GABPB2: variants seen among roughly 807,000 people sequenced by gnomAD.
The protein encoded by GABPB2 is GA binding protein transcription factor subunit beta 2, also known as GA-binding protein subunit beta-2.
GABPB2 carries 23 observed loss-of-function variants against 39.1 expected under a neutral mutation model. The ratio of observed to expected loss-of-function variants is 0.59; its 90% CI spans 0.42 to 0.83. The LOEUF is 0.83. GABPB2 is among the 40% of genes least tolerant of loss of function. GABPB2 has a pLI of 0.00. For synonymous variants in GABPB2, 184 were observed against 199.3 expected (o/e 0.92, Z 0.65); for missense variants, 467 against 541.1 (o/e 0.86, Z 1.36).
At chr1:151,072,091 C>T (rs1279162888) in intron 1 of GABPB2, among the ~76,000 whole-genome samples, 1 of 152,212 alleles carries the variant, frequency 6.6e-6, no homozygotes, top group Non-Finnish European at 1.5e-5. Flanking sequence ...TAGAGATGTT[C>T]TTAGGCATGT....
At position 151,121,944 on chromosome 1, in the gene GABPB2, G is replaced by A. The variant is rs1238169902; in HGVS notation, c.*3688G>A. The A allele has an allele frequency of 6.6e-6, 1 of 152,172 alleles. No individual in the cohort carries two copies. The highest frequency in any genetic ancestry group is 1.5e-5 in the Non-Finnish European group (1 of 68,030). 9.4% of individuals were successfully genotyped at this position (152,172 alleles called of 1,614,324 possible). ...GTGCCAAGTAAACATTCGAATGACT[G>A]TTTAGAATATGGTTTTCTTAATTAG... On this transcript the variant is annotated 3_prime_UTR_variant, in exon 9 of 9. Transcript: ENST00000368918.
In GABPB2 at chr1:151,107,189, C is replaced by T. The variant is rs1384656394; in HGVS notation, c.889C>T (p.Pro297Ser). Residue 297 changes from proline to serine, a missense_variant, in exon 7 of 9, where the codon CCA (proline) becomes TCA (serine). Pro to Ser is a moderately conservative substitution (Grantham distance 74). Coordinates refer to ENST00000368918, the MANE Select transcript of GABPB2 (RefSeq NM_144618.3). The part of the protein sequence containing the change: ...TSIPTGGIGQ[P>S]FIVTVQDGQQ... The stretch of plus-strand genomic sequence containing the variant: ...AATCCCTACTGGAGGCATTGGCCAG[C>T]CATTTATTGTAACTGTGCAAGATGG... 1 of 1,598,668 alleles carries T rather than the reference C, an allele frequency of 6.3e-7. No homozygotes were observed. Among genetic ancestry groups the T allele is most frequent in the Non-Finnish European group, 8.5e-7 (1 of 1,174,776 alleles).
intron 2 of GABPB2, 35 bp downstream of exon 2, chr1:151,088,332 A>G (rs1486620423): frequency 6.5e-7 from 1 of 1,540,454 alleles, no homozygotes. Context: ...AATTATTTCC[A>G]ATGTATGCTT....
Position 151,104,388 on chromosome 1 carries a change from A to G in GABPB2, c.736+713A>G, listed in dbSNP as rs948417739. Among the ~76,000 whole-genome samples the G allele has an allele frequency of 6.6e-5, 10 of 152,312 alleles. No individual in the cohort carries two copies. In the South Asian group the frequency reaches 1.7e-3, roughly 25 times the overall value. ...CAGAATGTTCTGATTTCTTTCTGCC[A>G]TGACATTTGGGTGGTAAGAACATTC... On this transcript the variant is annotated intron_variant, in intron 6 of 8. Coordinates refer to ENST00000368918, the MANE Select transcript of GABPB2 (RefSeq NM_144618.3).
chr1:151,086,174 G>A (rs1171358287), intron 1 of GABPB2, among the ~76,000 whole-genome samples: 1 of 152,050 alleles, frequency 6.6e-6, no homozygotes, highest in Admixed American at 6.6e-5. Context: ...GAGCCCAGGA[G>A]GTCAGGACTG....
intron 7 of GABPB2, among the ~76,000 whole-genome samples, chr1:151,116,669 G>A (rs1680901286): frequency 1.3e-5 from 2 of 151,904 alleles, no homozygotes; most frequent in East Asian, 1.9e-4. Flanking sequence ...GTGCAGTCGC[G>A]AGTTCTTGGC....
In GABPB2 at chr1:151,108,817, T is replaced by C. The variant is rs769559661; in HGVS notation, c.922+1595T>C. On this transcript the variant is annotated intron_variant, in intron 7 of 8. Coordinates refer to ENST00000368918, the MANE Select transcript of GABPB2 (RefSeq NM_144618.3). ...TTTTAATCATTTAATGTATCAGTTA[T>C]TCAAAAAAGACATAGTTAAAATTTT... Among the ~76,000 whole-genome samples, 7 of 152,308 alleles carry C rather than the reference T, an allele frequency of 4.6e-5. No individual in the cohort carries two copies. The South Asian group carries it at 8.3e-4, about 18-fold the overall frequency.
At chr1:151,084,756 G>T (rs587601896) in intron 1 of GABPB2, among the ~76,000 whole-genome samples, 1 of 144,958 alleles carries the variant, frequency 6.9e-6, no homozygotes, top group Admixed American at 7.0e-5. Flanking sequence ...GGATGGTCTC[G>T]ATCTCCTGAC....
At chr1:151,092,748 A>T (rs1162382512) in intron 3 of GABPB2, among the ~76,000 whole-genome samples, 1 of 151,752 alleles carries the variant, frequency 6.6e-6, no homozygotes, top group Non-Finnish European at 1.5e-5. Flanking sequence ...TAATGTTTTG[A>T]ATTTTTTGTA....
chr1:151,112,937 A>AT lies in GABPB2; in HGVS notation c.923-4441dup, dbSNP rs761548195. Among the ~76,000 whole-genome samples the AT allele has an allele frequency of 3.1e-3, 440 of 140,452 alleles. 2 individuals carry two copies. The highest frequency in any genetic ancestry group is 8.8e-3 in the African/African-American group (335 of 38,280). 92.1% of individuals were successfully genotyped at this position (140,452 alleles called of 152,430 possible). A position where few individuals can be genotyped will look rare whatever the true frequency, so the allele number is the denominator to read the frequency against. ...AGGTGTGCACCACCACGCCTGGCTA[A>AT]TTTTTTTTTTTTTTGTATTTTAGTA... is the stretch of plus-strand genomic sequence containing the variant. On this transcript the variant is annotated intron_variant, in intron 7 of 8. Coordinates refer to ENST00000368918, the MANE Select transcript of GABPB2 (RefSeq NM_144618.3).
chr1:151,075,113 G>A (rs1247770024), intron 1 of GABPB2, among the ~76,000 whole-genome samples: 2 of 152,134 alleles, frequency 1.3e-5, no homozygotes, highest in Non-Finnish European at 2.9e-5. Flanking sequence ...CCGCACTCCA[G>A]TCTGGGCGAC....
intron 7 of GABPB2, among the ~76,000 whole-genome samples, chr1:151,109,307 T>C (rs1571975874): frequency 9.6e-6 from 1 of 104,094 alleles, no homozygotes; most frequent in African/African-American, 3.7e-5. Context: ...TTTATATATA[T>C]ATATATATAT....
chr1:151,107,883 C>T (rs906176509), intron 7 of GABPB2, among the ~76,000 whole-genome samples: 3 of 151,644 alleles, frequency 2.0e-5, no homozygotes, highest in Non-Finnish European at 2.9e-5. Flanking sequence ...TGTACTGAGC[C>T]GTGATTGTGC....
chr1:151,083,972 C>T (rs1677943791), intron 1 of GABPB2, among the ~76,000 whole-genome samples: 2 of 150,902 alleles, frequency 1.3e-5, no homozygotes, highest in African/African-American at 2.4e-5. Flanking sequence ...AACTCCTGAC[C>T]TCGTGATCCA....
chr1:151,117,340 CTTTGT>C, intron 7 of GABPB2, 47 bp from the exon 8 acceptor site: 7 of 1,576,064 alleles, frequency 4.4e-6, no homozygotes, highest in Non-Finnish European at 5.2e-6. Context: ...AGCAAAACCT[CTTTGT>C]TTTATTATGC....
intron 5 of GABPB2, among the ~76,000 whole-genome samples, chr1:151,101,189 G>A (rs1474436175): frequency 6.6e-6 from 1 of 152,090 alleles, no homozygotes; most frequent in African/African-American, 2.4e-5. Context: ...GGAGGCAGAG[G>A]CTGGAGTAAG....
At chr1:151,111,451 C>T (rs1680419513) in intron 7 of GABPB2, among the ~76,000 whole-genome samples, 1 of 149,138 alleles carries the variant, frequency 6.7e-6, no homozygotes, top group Non-Finnish European at 1.5e-5. Flanking sequence ...GAGACAGAGT[C>T]TCGCTCTGTC....
In GABPB2 at chr1:151,103,594, A is replaced by C; in HGVS notation, c.655A>C (p.Asn219His). ...DPHASTVQFS[N>H]STTSVLATLA... is the part of the protein sequence containing the mutation. ...CCATGCCTCAACAGTACAGTTTTCAAATTCTACCACCTCAGTGCTGGCTAC... is the reference window on the plus strand; with the variant it reads ...CCATGCCTCAACAGTACAGTTTTCACATTCTACCACCTCAGTGCTGGCTAC... The change falls in exon 6 of 9, where the codon AAT (asparagine) becomes CAT (histidine). Residue 219 changes from asparagine (N) to histidine (H), a missense_variant. Transcript: ENST00000368918. 1 of 1,614,056 alleles carries C rather than the reference A, an allele frequency of 6.2e-7. No individual in the cohort carries two copies. Among genetic ancestry groups the C allele is most frequent in the East Asian group, 2.2e-5 (1 of 44,880 alleles).
Position 151,122,591 on chromosome 1 carries a change from A to G in GABPB2, c.*4335A>G, listed in dbSNP as rs139739455. 94 of 152,238 alleles carry G rather than the reference A, an allele frequency of 6.2e-4. No individual in the cohort carries two copies. Among genetic ancestry groups the G allele is most frequent in the African/African-American group, 1.9e-3 (78 of 41,534 alleles). The allele number at this position is 152,238 out of a possible 1,614,324, so 9.4% of individuals were successfully genotyped here. A position where few individuals can be genotyped will look rare whatever the true frequency, so the allele number is the denominator to read the frequency against. ...AAGGGGAAGGAGGTTAACTCTGCAGATGATATTCAGGCCCAACCAGCTCAC... is the reference window on the plus strand; with the variant it reads ...AAGGGGAAGGAGGTTAACTCTGCAGGTGATATTCAGGCCCAACCAGCTCAC... On this transcript the variant is annotated 3_prime_UTR_variant, in exon 9 of 9. Transcript: ENST00000368918.
Sources: allele counts gnomAD v4.1 joint callset (sites outside exome capture counted in the v4.1 genomes callset), GRCh38; gene constraint gnomAD v4.1.1; transcripts MANE v1.5; gene names NCBI Gene and HGNC (gene_info 2026-07-23, HGNC 2026-07-21).